Variants in NUAK1 observed in about 807,000 individuals in gnomAD.
The protein encoded by NUAK1 is NUAK family SNF1-like kinase 1.
In NUAK1, 26 loss-of-function variants were observed where a neutral mutation model predicts 56.9. The observed-to-expected ratio is 0.46, with a 90% confidence interval of 0.33 to 0.63. NUAK1 has a LOEUF of 0.63. NUAK1 is among the 30% of genes least tolerant of loss of function. NUAK1 has a pLI of 0.02. For synonymous variants in NUAK1, 337 were observed against 336.0 expected, an observed-to-expected ratio of 1.00 and a Z score of -0.03; for missense variants, 727 against 876.1, an observed-to-expected ratio of 0.83 and a Z score of 2.15.
chr12:106,130,731 C>G (rs1398446336), intron 1 of NUAK1, among the ~76,000 whole-genome samples: 1 of 152,190 alleles, frequency 6.6e-6, no homozygotes, highest in Non-Finnish European at 1.5e-5. Context: ...AGGACAGAAG[C>G]CTTTTCATAT....
chr12:106,075,732 A>G (rs1209246709), intron 4 of NUAK1, among the ~76,000 whole-genome samples: 3 of 152,398 alleles, frequency 2.0e-5, no homozygotes, highest in African/African-American at 7.2e-5. Context: ...ATAACTTTGA[A>G]TAATAAAATG....
Position 106,102,384 on chromosome 12 carries a change from T to G in NUAK1, c.361+4021A>C, listed in dbSNP as rs562607584. Among the ~76,000 whole-genome samples the G allele has an allele frequency of 7.0e-4, 106 of 152,354 alleles. 1 individual carries two copies. The highest frequency in any genetic ancestry group is 3.4e-3 in the Middle Eastern group (1 of 294). ...TGAAGATGAAAATGTTCTGCAGCTA[T>G]GCTGTCCCATATGGTAGCCACTAGC... is the stretch of plus-strand genomic sequence containing the variant. On this transcript the variant is annotated intron_variant, in intron 2 of 6. Coordinates refer to ENST00000261402, the MANE Select transcript of NUAK1 (RefSeq NM_014840.3).
intron 1 of NUAK1, among the ~76,000 whole-genome samples, chr12:106,134,744 G>A (rs376035796): frequency 1.2e-4 from 18 of 152,324 alleles, no homozygotes; most frequent in African/African-American, 4.3e-4. Flanking sequence ...ATGACACAGA[G>A]GCTCACCCAG....
chr12:106,101,262 G>A (rs1402792833), intron 2 of NUAK1, among the ~76,000 whole-genome samples: 6 of 152,168 alleles, frequency 3.9e-5, no homozygotes, highest in African/African-American at 9.7e-5. Flanking sequence ...GATGAGGCAC[G>A]ACAGAGCAAG....
At chr12:106,099,134 T>C (rs1263454268) in intron 2 of NUAK1, among the ~76,000 whole-genome samples, 1 of 152,168 alleles carries the variant, frequency 6.6e-6, no homozygotes, top group East Asian at 1.9e-4. Context: ...AGTTGACAAA[T>C]TTGAGGGTTA....
chr12:106,086,095 T>C (rs1025827821), intron 3 of NUAK1, among the ~76,000 whole-genome samples: 1 of 152,168 alleles, frequency 6.6e-6, no homozygotes, highest in Non-Finnish European at 1.5e-5. Context: ...CTCCTAGTAA[T>C]TCTACTTCTG....
chr12:106,088,141 T>A (rs1303122954), intron 2 of NUAK1, among the ~76,000 whole-genome samples: 1 of 152,236 alleles, frequency 6.6e-6, no homozygotes, highest in Non-Finnish European at 1.5e-5. Flanking sequence ...AATGACAGGC[T>A]GTCCAAAGCC....
Position 106,137,061 on chromosome 12 carries a change from A to AT in NUAK1, c.240+1352dup, listed in dbSNP as rs34470612. Reference sequence around the variant, plus strand: ...CAAATTTCCAATTAATTGATAACAGATTTTTTTTTAAAATAACGTTATGGG... The same window carrying AT: ...CAAATTTCCAATTAATTGATAACAGATTTTTTTTTTAAAATAACGTTATGGG... On this transcript the variant is annotated intron_variant, in intron 1 of 6. Transcript: ENST00000261402. Among the ~76,000 whole-genome samples the AT allele has an allele frequency of 1.3e-3, 203 of 152,002 alleles. 1 individual carries two copies. The highest frequency in any genetic ancestry group is 4.4e-3 in the African/African-American group (182 of 41,438).
intron 1 of NUAK1, among the ~76,000 whole-genome samples, chr12:106,130,814 A>T (rs1484601087): frequency 6.6e-6 from 1 of 152,204 alleles, no homozygotes; most frequent in Non-Finnish European, 1.5e-5. Context: ...CCCTGGCTGC[A>T]TCTATTGTGT....
At chr12:106,091,368 C>T (rs1304519485) in intron 2 of NUAK1, among the ~76,000 whole-genome samples, 2 of 152,214 alleles carry the variant, frequency 1.3e-5, no homozygotes, top group African/African-American at 4.8e-5. Context: ...GCCCACAGCA[C>T]TGGGGCCATG....
Position 106,126,337 on chromosome 12 carries a change from A to C in NUAK1, c.240+12077T>G, listed in dbSNP as rs111423195. On this transcript the variant is annotated intron_variant, in intron 1 of 6. Coordinates refer to ENST00000261402, the MANE Select transcript of NUAK1 (RefSeq NM_014840.3). ...TATTTTTAAACCAGCTACCTGGGAG[A>C]GGCAGAAGGGAACACCTGCCACAAG... is the stretch of plus-strand genomic sequence containing the variant. Among the ~76,000 whole-genome samples, 1,113 of 152,294 alleles carry C rather than the reference A, an allele frequency of 7.3e-3. 11 individuals carry two copies. Among genetic ancestry groups the C allele is most frequent in the African/African-American group, 0.025 (1,024 of 41,564 alleles).
chr12:106,133,225 C>T (rs2033097234), intron 1 of NUAK1, among the ~76,000 whole-genome samples: 2 of 152,110 alleles, frequency 1.3e-5, no homozygotes, highest in Admixed American at 1.3e-4. Flanking sequence ...GAATGAATGC[C>T]TTGGAATGCC....
In NUAK1 at chr12:106,066,703, C is replaced by G. The variant is rs1322442896; in HGVS notation, c.*99G>C. On this transcript the variant is annotated 3_prime_UTR_variant, in exon 7 of 7. Transcript: ENST00000261402. Reference sequence around the variant, plus strand: ...GAGACAGTGCCAATCCTTTTTCAGTCTGTTGTCACAGCCAGCAAAGAGGTA... The same window carrying G: ...GAGACAGTGCCAATCCTTTTTCAGTGTGTTGTCACAGCCAGCAAAGAGGTA... 5 of 1,030,580 alleles carry G rather than the reference C, an allele frequency of 4.9e-6. No homozygotes were observed. In the African/African-American group the frequency reaches 8.0e-5, roughly 17 times the overall value. 63.8% of individuals were successfully genotyped at this position (1,030,580 alleles called of 1,614,324 possible).
At chr12:106,110,340 A>G (rs1248223093) in intron 1 of NUAK1, among the ~76,000 whole-genome samples, 1 of 152,152 alleles carries the variant, frequency 6.6e-6, no homozygotes, top group Non-Finnish European at 1.5e-5. Context: ...GGCTACACAA[A>G]AGGGAGCCAG....
chr12:106,086,387 T>C (rs2032570711), intron 3 of NUAK1, among the ~76,000 whole-genome samples: 1 of 152,054 alleles, frequency 6.6e-6, no homozygotes, highest in Admixed American at 6.5e-5. Context: ...ACCACAGAAA[T>C]GTAAGATGTT....
At chr12:106,087,563 T>C (rs1043225903) in intron 2 of NUAK1, among the ~76,000 whole-genome samples, 2 of 152,226 alleles carry the variant, frequency 1.3e-5, no homozygotes, top group Non-Finnish European at 2.9e-5. Flanking sequence ...CTAATATTTA[T>C]TAAATGAGTA....
At chr12:106,102,776 A>G (rs2032761903) in intron 2 of NUAK1, among the ~76,000 whole-genome samples, 1 of 152,200 alleles carries the variant, frequency 6.6e-6, no homozygotes. Flanking sequence ...TGAGAAGCCT[A>G]CCATCTTACC....
At chr12:106,089,041 G>A (rs1592852281) in intron 2 of NUAK1, among the ~76,000 whole-genome samples, 2 of 152,366 alleles carry the variant, frequency 1.3e-5, no homozygotes, top group African/African-American at 4.8e-5. Context: ...TTTGGCTCCT[G>A]CCAGGGATTT....
At position 106,064,527 on chromosome 12, in the gene NUAK1, C is replaced by T. The variant is rs1457943204; in HGVS notation, c.*2275G>A. 6.6e-6 allele frequency: 1 copy of T among 152,208 alleles called. No individual in the cohort carries two copies. The highest frequency in any genetic ancestry group is 1.5e-5 in the Non-Finnish European group (1 of 68,044). The allele number at this position is 152,208 out of a possible 1,614,324, so 9.4% of individuals were successfully genotyped here. ...GGGGAGGAAGAAGGGAGTAGACTGACTTTCCTCAATAGTGTCATTTTTACT... is the reference window on the plus strand; with the variant it reads ...GGGGAGGAAGAAGGGAGTAGACTGATTTTCCTCAATAGTGTCATTTTTACT... On this transcript the variant is annotated 3_prime_UTR_variant, in exon 7 of 7. Coordinates refer to ENST00000261402, the MANE Select transcript of NUAK1 (RefSeq NM_014840.3).
Sources: gnomAD v4.1 joint callset for allele counts (sites outside exome capture counted in the v4.1 genomes callset) on GRCh38, gnomAD v4.1.1 for gene constraint, MANE v1.5 for transcripts, NCBI Gene and HGNC (gene_info 2026-07-23, HGNC 2026-07-21) for gene names.